The following NFE2L3 variants were observed in gnomAD, a reference collection of about 807,000 sequenced individuals.
NFE2L3 encodes the protein NFE2 like bZIP transcription factor 3.
NFE2L3 carries 18 observed loss-of-function variants against 23.5 expected under a neutral mutation model. The observed-to-expected ratio is 0.77, with a 90% confidence interval of 0.53 to 1.13. The LOEUF is 1.13. Among genes scored for constraint, NFE2L3 ranks in the 50% most tolerant of loss-of-function variants. The probability of loss-of-function intolerance (pLI) is 0.00; values close to 1 mark genes in which losing one functional copy is unlikely to be tolerated. For synonymous variants in NFE2L3, 424 were observed against 354.5 expected (o/e 1.20, Z -2.20); for missense variants, 1,152 against 877.2 (o/e 1.31, Z -3.96).
Position 26,153,114 on chromosome 7 carries a change from C to G in NFE2L3, c.570+46C>G, listed in dbSNP as rs554126245. The stretch of plus-strand genomic sequence containing the variant: ...GAGCGAAGTGCGGCGTCTACGCCGC[C>G]GGGAGCCCCCGAGGCTTGTGTCGGA... On this transcript the variant is annotated intron_variant, in intron 1 of 3. Transcript: ENST00000056233. 1.8e-4 allele frequency: 260 copies of G among 1,481,242 alleles called. 1 individual carries two copies. In the South Asian group the frequency reaches 2.9e-3, roughly 17 times the overall value. 91.8% of individuals were successfully genotyped at this position (1,481,242 alleles called of 1,614,324 possible).
chr7:26,160,636 C>T (rs373242718), intron 1 of NFE2L3, among the ~76,000 whole-genome samples: 1 of 152,290 alleles, frequency 6.6e-6, no homozygotes. Flanking sequence ...ATCAAGGAAA[C>T]CTCAGTTTTG....
In NFE2L3 at chr7:26,185,033, T is replaced by C. The variant is rs1469039610; in HGVS notation, c.1335T>C (p.Gly445=). ...CCTCTCACTCTGTGTGTGATGAAGGTGCTATAGGTTATTGCACTGACCATG... is the reference window on the plus strand; with the variant it reads ...CCTCTCACTCTGTGTGTGATGAAGGCGCTATAGGTTATTGCACTGACCATG... ...SNSSHSVCDE[G]AIGYCTDHES... is the part of the protein sequence containing the mutation. The change falls in exon 4 of 4, where the codon GGT becomes GGC. Residue 445 remains glycine, a synonymous_variant. Transcript: ENST00000056233. 6.2e-7 allele frequency: 1 copy of C among 1,613,716 alleles called. No individual in the cohort carries two copies. The highest frequency in any genetic ancestry group is 1.7e-5 in the Admixed American group (1 of 59,996).
At chr7:26,175,347 G>A (rs1190977245) in intron 1 of NFE2L3, among the ~76,000 whole-genome samples, 1 of 151,112 alleles carries the variant, frequency 6.6e-6, no homozygotes, top group Non-Finnish European at 1.5e-5. Context: ...GCGACAGAGT[G>A]AGACTCAAAA....
intron 2 of NFE2L3, among the ~76,000 whole-genome samples, chr7:26,182,640 T>C (rs971300308): frequency 1.3e-5 from 2 of 152,048 alleles, no homozygotes; most frequent in Non-Finnish European, 2.9e-5. Context: ...TAATTCCATG[T>C]AACAAAAACT....
At chr7:26,173,216 C>G (rs1311595604) in intron 1 of NFE2L3, among the ~76,000 whole-genome samples, 2 of 152,166 alleles carry the variant, frequency 1.3e-5, no homozygotes, top group African/African-American at 2.4e-5. Context: ...GACAAGACAT[C>G]TTACATACCT....
chr7:26,170,580 C>T (rs758490405), intron 1 of NFE2L3, among the ~76,000 whole-genome samples: 20 of 152,104 alleles, frequency 1.3e-4, no homozygotes, highest in Non-Finnish European at 2.5e-4. Flanking sequence ...GTTGGTATAT[C>T]CCATGAAATA....
intron 2 of NFE2L3, among the ~76,000 whole-genome samples, chr7:26,182,311 T>TGAAGCATGAAGCATGAAGCA (rs60441813): frequency 2.6e-5 from 4 of 152,144 alleles, no homozygotes; most frequent in South Asian, 4.1e-4. Flanking sequence ...TAACTCATCA[T>TGAAGCATGAAGCATGAAGCA]TTAAGCATGA....
Position 26,185,034 on chromosome 7 carries a change from G to T in NFE2L3, c.1336G>T (p.Ala446Ser), listed in dbSNP as rs777966660. 2.5e-6 allele frequency: 4 copies of T among 1,613,830 alleles called. No homozygotes were observed. Among genetic ancestry groups the T allele is most frequent in the Non-Finnish European group, 3.4e-6 (4 of 1,179,810 alleles). ...NSSHSVCDEG[A>S]IGYCTDHESS... The stretch of plus-strand genomic sequence containing the variant: ...CTCTCACTCTGTGTGTGATGAAGGT[G>T]CTATAGGTTATTGCACTGACCATGA... The change falls in exon 4 of 4, where the codon GCT becomes TCT. Residue 446 changes from alanine (A) to serine (S), a missense_variant. Transcript: ENST00000056233.
chr7:26,181,307 TTC>T (rs1784504249), intron 2 of NFE2L3, among the ~76,000 whole-genome samples: 1 of 152,180 alleles, frequency 6.6e-6, no homozygotes, highest in African/African-American at 2.4e-5. Flanking sequence ...GACAAGATAT[TTC>T]TGTTCTTTTA....
At chr7:26,155,756 C>G (rs1216835622) in intron 1 of NFE2L3, among the ~76,000 whole-genome samples, 1 of 152,210 alleles carries the variant, frequency 6.6e-6, no homozygotes, top group Non-Finnish European at 1.5e-5. Flanking sequence ...AAAAACAACA[C>G]TGGTCTTTGC....
At position 26,186,329 on chromosome 7, in the gene NFE2L3, TTTACC is replaced by T. The variant is rs1318849044; in HGVS notation, c.*551_*555del. The T allele has an allele frequency of 2.6e-5, 4 of 152,326 alleles. No homozygotes were observed. In the East Asian group the frequency reaches 7.7e-4, roughly 29 times the overall value. The allele number at this position is 152,326 out of a possible 1,614,324, so 9.4% of individuals were successfully genotyped here. A position where few individuals can be genotyped will look rare whatever the true frequency, so the allele number is the denominator to read the frequency against. On this transcript the variant is annotated 3_prime_UTR_variant, in exon 4 of 4. Transcript: ENST00000056233. ...CCTTTTATACAGAATCTGAACCAAA[TTTACC>T]TTACTTTCCTTCCAAAATATCCACA... is the stretch of plus-strand genomic sequence containing the variant.
intron 1 of NFE2L3, among the ~76,000 whole-genome samples, chr7:26,177,346 C>G (rs1342275644): frequency 2.0e-5 from 3 of 152,234 alleles, no homozygotes; most frequent in African/African-American, 4.8e-5. Context: ...TCTGCAATCC[C>G]AGCACCTCGG....
At chr7:26,169,983 C>T (rs866102794) in intron 1 of NFE2L3, among the ~76,000 whole-genome samples, 2 of 152,196 alleles carry the variant, frequency 1.3e-5, no homozygotes, top group Non-Finnish European at 2.9e-5. Context: ...TCTTCCCCTT[C>T]TTAAGAGCTA....
Position 26,185,434 on chromosome 7 carries a change from T to A in NFE2L3, c.1736T>A (p.Ile579Asn). 6.2e-7 allele frequency: 1 copy of A among 1,614,164 alleles called. No individual in the cohort carries two copies. The highest frequency in any genetic ancestry group is 8.5e-7 in the Non-Finnish European group (1 of 1,179,984). Residue 579 changes from isoleucine (I) to asparagine (N), a missense_variant, in exon 4 of 4, where the codon ATC becomes AAC. By Grantham distance (149) the Ile-to-Asn change is moderately radical (BLOSUM62 -3). Coordinates refer to ENST00000056233, the MANE Select transcript of NFE2L3 (RefSeq NM_004289.7). ...YYLTDLQVSL[I>N]RDIRRRGKNK... ...CTGACAGACCTACAAGTCTCACTTA[T>A]CCGTGACATCAGACGAAGAGGGAAA... is the stretch of plus-strand genomic sequence containing the variant.
In NFE2L3 at chr7:26,185,129, C is replaced by G. The variant is rs1475788197; in HGVS notation, c.1431C>G (p.His477Gln). ...ACCCAGAACCCAGTAAGCTTTGTCA[C>G]TTGGATCAAAGTGATTCTGATTTCC... is the stretch of plus-strand genomic sequence containing the variant. ...GYYPEPSKLC[H>Q]LDQSDSDFHG... Residue 477 changes from histidine to glutamine, a missense_variant, in exon 4 of 4, where the codon CAC becomes CAG. Coordinates refer to ENST00000056233, the MANE Select transcript of NFE2L3 (RefSeq NM_004289.7). The G allele has an allele frequency of 6.2e-7, 1 of 1,613,784 alleles. No homozygotes were observed. Among genetic ancestry groups the G allele is most frequent in the African/African-American group, 1.3e-5 (1 of 74,910 alleles).
intron 2 of NFE2L3, among the ~76,000 whole-genome samples, chr7:26,181,725 GTGTTTAAAT>G (rs1222474145): frequency 1.3e-5 from 2 of 152,122 alleles, no homozygotes; most frequent in Non-Finnish European, 2.9e-5. Context: ...CTCTAAATCA[GTGTTTAAAT>G]TGTTCATAGG....
In NFE2L3 at chr7:26,183,708, TGA is replaced by T; in HGVS notation, c.759_760del (p.Asn254TrpfsTer20). On this transcript the variant is annotated frameshift_variant, in exon 3 of 4. Coordinates refer to ENST00000056233, the MANE Select transcript of NFE2L3 (RefSeq NM_004289.7). LOFTEE classifies it high-confidence loss of function. ...TTTTGTGTTTCTCTACAGAGACATC[TGA>T]ATGGGACAGATACTTCTTTCTCTCT... 6.2e-7 allele frequency: 1 copy of T among 1,609,222 alleles called. No individual in the cohort carries two copies. Among genetic ancestry groups the T allele is most frequent in the South Asian group, 1.1e-5 (1 of 90,964 alleles).
At chr7:26,165,585 A>G (rs868058324) in intron 1 of NFE2L3, among the ~76,000 whole-genome samples, 2 of 152,204 alleles carry the variant, frequency 1.3e-5, no homozygotes, top group Non-Finnish European at 2.9e-5. Flanking sequence ...CAATCATGTC[A>G]TCTGCAAACA....
chr7:26,153,421 G>A (rs1562667227), intron 1 of NFE2L3, among the ~76,000 whole-genome samples: 2 of 152,148 alleles, frequency 1.3e-5, no homozygotes, highest in African/African-American at 4.8e-5. Flanking sequence ...TCGTTCTCTG[G>A]GACCCGTGCC....
Sources: allele counts gnomAD v4.1 joint callset (sites outside exome capture counted in the v4.1 genomes callset), GRCh38; gene constraint gnomAD v4.1.1; transcripts MANE v1.5; gene names NCBI Gene and HGNC (gene_info 2026-07-23, HGNC 2026-07-21).